Variants in ANXA1 observed in about 807,000 individuals in gnomAD.
ANXA1 encodes the protein annexin I (lipocortin I).
Under a neutral mutation model 47.9 loss-of-function variants are expected in ANXA1, and 39 were observed. The observed-to-expected ratio is 0.81, with a 90% confidence interval of 0.63 to 1.06. The LOEUF (loss-of-function observed/expected upper bound fraction) is 1.06, where lower values mean the gene tolerates loss of function less well. ANXA1 is among the 50% of genes least tolerant of loss of function. The probability of loss-of-function intolerance (pLI) is 0.00; values close to 1 mark genes in which losing one functional copy is unlikely to be tolerated. For synonymous variants in ANXA1, 146 were observed against 142.5 expected (o/e 1.02, Z -0.17); for missense variants, 446 against 422.7 (o/e 1.06, Z -0.48).
chr9:73,169,051 A>G lies in ANXA1; in HGVS notation c.881A>G (p.Lys294Arg). ...QAMKGVGTRH[K>R]ALIRIMVSRS... ...GGCCAGGGTGTTGGAACTCGCCATA[A>G]GGCATTGATCAGGATTATGGTTTCC... Residue 294 changes from lysine (K) to arginine (R), a missense_variant, in exon 12 of 13, where the codon AAG (lysine) becomes AGG (arginine). Physicochemically the swap from Lys to Arg is conservative, Grantham distance 26 (BLOSUM62 2). Coordinates refer to ENST00000257497, the MANE Select transcript of ANXA1 (RefSeq NM_000700.3). 1.2e-6 allele frequency: 2 copies of G among 1,612,334 alleles called. No homozygotes were observed. Among genetic ancestry groups the G allele is most frequent in the Non-Finnish European group, 1.7e-6 (2 of 1,179,202 alleles).
rs1824103703 is a variant in ANXA1 at position 73,159,548 on chromosome 9, G to A, written c.270+125G>A. 5 of 687,250 alleles carry A rather than the reference G, an allele frequency of 7.3e-6. No homozygotes were observed. The South Asian group carries it at 1.1e-4, about 15-fold the overall frequency. 42.6% of individuals were successfully genotyped at this position (687,250 alleles called of 1,614,324 possible). On this transcript the variant is annotated intron_variant, in intron 4 of 12. Transcript: ENST00000257497. The stretch of plus-strand genomic sequence containing the variant: ...CTGTTTTCTCATTACATCTATGATT[G>A]GGATTGCAGTGTTTATCCACTTTGT...
chr9:73,159,151 T>C (rs1824096979), intron 3 of ANXA1, among the ~76,000 whole-genome samples, 178 bp from the exon 4 acceptor site: 1 of 152,218 alleles, frequency 6.6e-6, no homozygotes, highest in East Asian at 1.9e-4. Flanking sequence ...GAATGAAATG[T>C]CATTCTCCCA....
In ANXA1 at chr9:73,158,696, A is replaced by G; in HGVS notation, c.68A>G (p.Gln23Arg). ...FIENEEQEYV[Q>R]TVKSSKGGPG... ...AATTTATTTCTCTCTCATTCTTAGCAAACTGTGAAGTCATCCAAAGGTGGT... is the reference window on the plus strand; with the variant it reads ...AATTTATTTCTCTCTCATTCTTAGCGAACTGTGAAGTCATCCAAAGGTGGT... Residue 23 changes from glutamine (Q) to arginine (R), a missense_variant and splice_region_variant, in exon 3 of 13, where the codon CAA becomes CGA. Gln to Arg is a conservative substitution (Grantham distance 43, BLOSUM62 1). Coordinates refer to ENST00000257497, the MANE Select transcript of ANXA1 (RefSeq NM_000700.3). 6.2e-7 allele frequency: 1 copy of G among 1,613,828 alleles called. No homozygotes were observed. Among genetic ancestry groups the G allele is most frequent in the East Asian group, 2.2e-5 (1 of 44,872 alleles).
chr9:73,161,098 C>T (rs1476298500), intron 6 of ANXA1, among the ~76,000 whole-genome samples: 3 of 152,114 alleles, frequency 2.0e-5, no homozygotes, highest in Non-Finnish European at 2.9e-5. Flanking sequence ...GAGATGGTGT[C>T]CCAATCCGCA....
intron 1 of ANXA1, among the ~76,000 whole-genome samples, chr9:73,157,246 T>C (rs1824062375): frequency 6.6e-6 from 1 of 152,102 alleles, no homozygotes; most frequent in Non-Finnish European, 1.5e-5. Flanking sequence ...TATCAAGAAA[T>C]AGAAAAGGAA....
intron 1 of ANXA1, among the ~76,000 whole-genome samples, chr9:73,156,192 CAT>C (rs1328501739): frequency 7.0e-6 from 1 of 142,872 alleles, no homozygotes; most frequent in African/African-American, 2.7e-5. Context: ...ATAATAAAAA[CAT>C]GTTTTTATAA....
chr9:73,160,756 A>C (rs192844547), intron 5 of ANXA1, 47 bp from the exon 6 acceptor site: 1 of 1,447,466 alleles, frequency 6.9e-7, no homozygotes, highest in South Asian at 1.2e-5. Context: ...ATCCTCTTGC[A>C]TGAAGATTTT....
Position 73,168,828 on chromosome 9 carries a change from C to T in ANXA1, c.862-204C>T. 1.4e-5 allele frequency: 6 copies of T among 432,710 alleles called. No homozygotes were observed. The South Asian group carries it at 2.1e-4, about 15-fold the overall frequency. The allele number at this position is 432,710 out of a possible 1,614,324, so 26.8% of individuals were successfully genotyped here. A position where few individuals can be genotyped will look rare whatever the true frequency, so the allele number is the denominator to read the frequency against. ...AGGAAGTTGTGACAGCTCTCTATACCTACCGCTAATGTAGAGGATTATTTA... is the reference window on the plus strand; with the variant it reads ...AGGAAGTTGTGACAGCTCTCTATACTTACCGCTAATGTAGAGGATTATTTA... On this transcript the variant is annotated intron_variant, in intron 11 of 12. Transcript: ENST00000257497.
intron 1 of ANXA1, among the ~76,000 whole-genome samples, chr9:73,155,150 C>A (rs961640999): frequency 1.3e-5 from 2 of 152,140 alleles, no homozygotes; most frequent in Non-Finnish European, 2.9e-5. Context: ...CACAAAAAGA[C>A]CATTAATTAG....
At chr9:73,166,616 G>T (rs1344201353) in intron 10 of ANXA1, among the ~76,000 whole-genome samples, 2 of 152,106 alleles carry the variant, frequency 1.3e-5, no homozygotes, top group African/African-American at 4.8e-5. Context: ...GTGGGTCCGA[G>T]TTGGCCTCTA....
intron 11 of ANXA1, chr9:73,168,150 TAAG>T: frequency 6.6e-6 from 1 of 151,772 alleles, no homozygotes; most frequent in Admixed American, 6.6e-5. Flanking sequence ...AGCTCCAAAA[TAAG>T]GAGGTTTTCA....
At chr9:73,152,110 T>C (rs1184669403) in intron 1 of ANXA1, among the ~76,000 whole-genome samples, 186 bp downstream of exon 1, 1 of 152,246 alleles carries the variant, frequency 6.6e-6, no homozygotes, top group African/African-American at 2.4e-5. Context: ...TACAATATTT[T>C]TGTTCTACTT....
chr9:73,155,016 A>G (rs1418958374), intron 1 of ANXA1, among the ~76,000 whole-genome samples: 2 of 152,192 alleles, frequency 1.3e-5, no homozygotes, highest in Non-Finnish European at 2.9e-5. Context: ...CATGAGGCTG[A>G]GAGATGGAAA....
chr9:73,158,931 C>T (rs886672798), intron 3 of ANXA1, 128 bp downstream of exon 3: 2 of 784,300 alleles, frequency 2.6e-6, no homozygotes, highest in African/African-American at 3.5e-5. Context: ...ATTTCTTTGC[C>T]AAACGAAGAT....
chr9:73,154,831 T>G (rs1234368815), intron 1 of ANXA1, among the ~76,000 whole-genome samples: 1 of 152,200 alleles, frequency 6.6e-6, no homozygotes, highest in Admixed American at 6.5e-5. Flanking sequence ...TAGCACTCAG[T>G]TTTCCCAGAT....
intron 12 of ANXA1, among the ~76,000 whole-genome samples, chr9:73,169,828 CAT>C (rs1370200954): frequency 6.6e-6 from 1 of 151,952 alleles, no homozygotes; most frequent in Non-Finnish European, 1.5e-5. Context: ...TAATATAAAA[CAT>C]AATTAATTCA....
In ANXA1 at chr9:73,160,912, C is replaced by G. The variant is rs766071933; in HGVS notation, c.475+19C>G. ...AGAGAGGGTAAGTTGTAATGTCCAA[C>G]AGTCCAAACGCCTTATTTGAAAAGG... On this transcript the variant is annotated intron_variant, in intron 6 of 12. Transcript: ENST00000257497. 3 of 1,494,068 alleles carry G rather than the reference C, an allele frequency of 2.0e-6. No individual in the cohort carries two copies. Among genetic ancestry groups the G allele is most frequent in the Non-Finnish European group, 2.8e-6 (3 of 1,073,378 alleles). 92.6% of individuals were successfully genotyped at this position (1,494,068 alleles called of 1,614,324 possible).
intron 9 of ANXA1, chr9:73,165,554 C>G (rs1326945837): frequency 6.0e-6 from 1 of 167,420 alleles, no homozygotes; most frequent in African/African-American, 2.4e-5. Context: ...AACAAAAAAC[C>G]CTCAGAGCTA....
intron 11 of ANXA1, chr9:73,168,626 C>A (rs997390366): frequency 6.4e-6 from 1 of 155,564 alleles, no homozygotes; most frequent in Non-Finnish European, 1.4e-5. Context: ...TATTGTAAGC[C>A]TTGAAAAAGA....
Sources: allele counts gnomAD v4.1 joint callset (sites outside exome capture counted in the v4.1 genomes callset), GRCh38; gene constraint gnomAD v4.1.1; transcripts MANE v1.5; gene names NCBI Gene and HGNC (gene_info 2026-07-23, HGNC 2026-07-21).